Variants in AP1B1 observed in about 807,000 individuals in gnomAD.
AP1B1 encodes AP-1 complex subunit beta-1.
A neutral mutation model predicts 104.3 loss-of-function variants in AP1B1; 36 were observed. The observed-to-expected ratio is 0.35, with a 90% CI of 0.26 to 0.46. AP1B1 has a LOEUF of 0.46. Ranked by LOEUF, AP1B1 falls within the 20% of genes least tolerant of loss-of-function variation. The pLI, the probability that AP1B1 is intolerant of heterozygous loss-of-function variation, is 1.00. For missense variants in AP1B1, 901 were observed against 1,247.9 expected, an observed-to-expected ratio of 0.72 and a Z score of 4.19; for synonymous variants, 504 against 517.5, an observed-to-expected ratio of 0.97 and a Z score of 0.35.
Position 29,331,477 on chromosome 22 carries a change from G to A in AP1B1, c.2496C>T (p.His832=). ...TCTTCCCGTCCTCCACAAAGAGGAT[G>A]TGCAGTGGGTACAAGGTGCTGAAGT... ...VFYFSTLYPL[H]ILFVEDGKMD... is the part of the protein sequence containing the mutation. The change falls in exon 19 of 23, where the codon CAC becomes CAT. Residue 832 remains histidine, a synonymous_variant. Transcript: ENST00000357586. The A allele has an allele frequency of 1.2e-6, 2 of 1,614,220 alleles. No individual in the cohort carries two copies. Among genetic ancestry groups the A allele is most frequent in the South Asian group, 1.1e-5 (1 of 91,086 alleles).
intron 1 of AP1B1, among the ~76,000 whole-genome samples, chr22:29,384,874 A>T (rs2062497191): frequency 1.3e-5 from 2 of 152,188 alleles, no homozygotes; most frequent in Admixed American, 1.3e-4. Context: ...TCTGGAAAAA[A>T]AAAAAGAGCT....
At chr22:29,336,741 T>C (rs565018337) in intron 16 of AP1B1, among the ~76,000 whole-genome samples, 2 of 150,850 alleles carry the variant, frequency 1.3e-5, no homozygotes, top group South Asian at 2.1e-4. Context: ...GAGACACAGG[T>C]TGCAGTGAGC....
intron 1 of AP1B1, among the ~76,000 whole-genome samples, chr22:29,374,364 T>A (rs1245648967): frequency 1.3e-5 from 2 of 152,206 alleles, no homozygotes; most frequent in Non-Finnish European, 2.9e-5. Context: ...TGAGTTTTCC[T>A]GCATGGCCAA....
intron 2 of AP1B1, among the ~76,000 whole-genome samples, chr22:29,366,739 C>G (rs2062143851): frequency 6.6e-6 from 1 of 151,394 alleles, no homozygotes; most frequent in Non-Finnish European, 1.5e-5. Flanking sequence ...GCGGAGGTTG[C>G]AATGAGCCAA....
intron 13 of AP1B1, among the ~76,000 whole-genome samples, 177 bp from the exon 14 acceptor site, chr22:29,341,034 C>G (rs745337394): frequency 6.6e-6 from 1 of 152,258 alleles, no homozygotes; most frequent in Non-Finnish European, 1.5e-5. Context: ...GCAGGTCCAT[C>G]TTTCAGGTCC....
At chr22:29,369,218 A>G (rs904145159) in intron 1 of AP1B1, among the ~76,000 whole-genome samples, 4 of 152,172 alleles carry the variant, frequency 2.6e-5, no homozygotes, top group Non-Finnish European at 5.9e-5. Context: ...AACCAAGCCA[A>G]CACAGCACCT....
chr22:29,334,397 G>A lies in AP1B1; in HGVS notation c.2177C>T (p.Ala726Val). The A allele has an allele frequency of 6.2e-7, 1 of 1,604,008 alleles. No individual in the cohort carries two copies. The highest frequency in any genetic ancestry group is 1.7e-5 in the Admixed American group (1 of 57,566). ...YVAPKAVWLP[A>V]MKAKGLEISG... ...GATCTCCAGCCCCTTAGCCTTCATG[G>A]CTGGGAGCCAGACCTGCAGGGAAGA... Residue 726 changes from alanine (A) to valine (V), a missense_variant, in exon 17 of 23, where the codon GCC becomes GTC. Around this residue, in one of 3 missense-constraint regions of AP1B1, gnomAD observed 424 missense variants for 494.0 expected, o/e 0.86. Coordinates refer to ENST00000357586, the MANE Select transcript of AP1B1 (RefSeq NM_001127.4).
At chr22:29,339,900 C>T (rs2061689189) in intron 14 of AP1B1, 126 bp from the exon 15 acceptor site, 3 of 1,054,974 alleles carry the variant, frequency 2.8e-6, no homozygotes, top group Admixed American at 2.0e-5. Flanking sequence ...TAGCTCCATC[C>T]GAGAGGAGTG....
intron 19 of AP1B1, 28 bp downstream of exon 19, chr22:29,331,421 C>T (rs1189423861): frequency 6.2e-7 from 1 of 1,608,952 alleles, no homozygotes; most frequent in East Asian, 2.2e-5. Context: ...CCATTTCAGG[C>T]ACCCCAGCGG....
chr22:29,356,106 C>A (rs1403225819), intron 6 of AP1B1, among the ~76,000 whole-genome samples: 2 of 152,184 alleles, frequency 1.3e-5, no homozygotes, highest in African/African-American at 4.8e-5. Context: ...CCGGCAGAGC[C>A]CCAGACACCC....
At chr22:29,387,800 G>A (rs576367813) in intron 1 of AP1B1, among the ~76,000 whole-genome samples, 10 of 152,336 alleles carry the variant, frequency 6.6e-5, no homozygotes, top group African/African-American at 2.2e-4. Context: ...TCCCCACAAA[G>A]GTTGCTGTGA....
intron 11 of AP1B1, among the ~76,000 whole-genome samples, chr22:29,346,414 T>C (rs1363579792): frequency 6.6e-6 from 1 of 152,192 alleles, no homozygotes; most frequent in Non-Finnish European, 1.5e-5. Flanking sequence ...GGTTGGGGGA[T>C]GGTTTCAGGA....
At chr22:29,376,862 C>T (rs16987503) in intron 1 of AP1B1, among the ~76,000 whole-genome samples, 1,741 of 151,990 alleles carry the variant, frequency 0.011, 42 homozygotes, top group African/African-American at 0.041. Context: ...GAGATGATGA[C>T]GCTATTCACC....
At chr22:29,369,110 A>C (rs1225544593) in intron 1 of AP1B1, among the ~76,000 whole-genome samples, 1 of 152,048 alleles carries the variant, frequency 6.6e-6, no homozygotes, top group Non-Finnish European at 1.5e-5. Context: ...CAAATAACCC[A>C]CCAATATCTC....
Position 29,351,183 on chromosome 22 carries a change from G to A in AP1B1, c.1143C>T (p.Ala381=). 6.2e-7 allele frequency: 1 copy of A among 1,611,630 alleles called. No individual in the cohort carries two copies. Among genetic ancestry groups the A allele is most frequent in the South Asian group, 1.1e-5 (1 of 90,986 alleles). The change falls in exon 9 of 23, where the codon GCC becomes GCT. Residue 381 remains alanine (A), a synonymous_variant. Coordinates refer to ENST00000357586, the MANE Select transcript of AP1B1 (RefSeq NM_001127.4). ...RKAVRAIGRC[A]IKVEQSAERC... ...CCCAGAGCCTCACCTCCACCTTGAT[G>A]GCGCAGCGGCCAATAGCACGCACAG... is the stretch of plus-strand genomic sequence containing the variant.
intron 1 of AP1B1, among the ~76,000 whole-genome samples, chr22:29,369,052 A>G (rs1196058857): frequency 1.3e-5 from 2 of 152,194 alleles, no homozygotes; most frequent in African/African-American, 4.8e-5. Context: ...AATGGAGAAA[A>G]CCCACTTCAC....
At chr22:29,347,431 G>T (rs1269937213) in intron 11 of AP1B1, among the ~76,000 whole-genome samples, 1 of 152,180 alleles carries the variant, frequency 6.6e-6, no homozygotes, top group Non-Finnish European at 1.5e-5. Context: ...AGAAACTGAG[G>T]CTCAGAGAGT....
In AP1B1 at chr22:29,354,683, G is replaced by C. The variant is rs2147990455; in HGVS notation, c.905C>G (p.Ala302Gly). ...CACGATGAGATTGATGTTGCGCAGGGCCACATACTGCAGCTCTGGCTCGGC... is the reference window on the plus strand; with the variant it reads ...CACGATGAGATTGATGTTGCGCAGGCCCACATACTGCAGCTCTGGCTCGGC... Reference protein sequence around the residue: ...LSAEPELQYVALRNINLIVQK... With the variant: ...LSAEPELQYVGLRNINLIVQK... Residue 302 changes from alanine (A) to glycine (G), a missense_variant, in exon 7 of 23, where the codon GCC (alanine) becomes GGC (glycine). Around this residue, in one of 3 missense-constraint regions of AP1B1, gnomAD observed 471 missense variants for 696.7 expected, o/e 0.68. Coordinates refer to ENST00000357586, the MANE Select transcript of AP1B1 (RefSeq NM_001127.4). The C allele has an allele frequency of 6.2e-7, 1 of 1,614,076 alleles. No homozygotes were observed. Among genetic ancestry groups the C allele is most frequent in the African/African-American group, 1.3e-5 (1 of 75,004 alleles).
chr22:29,349,589 C>CAGAGTGGTGTGCAGAGG (rs1602726565), intron 10 of AP1B1, among the ~76,000 whole-genome samples: 1 of 152,162 alleles, frequency 6.6e-6, no homozygotes, highest in East Asian at 1.9e-4. Context: ...TCTCACCTCA[C>CAGAGTGGTGTGCAGAGG]TGCAACCTCC....
Sources: allele counts gnomAD v4.1 joint callset (sites outside exome capture counted in the v4.1 genomes callset), GRCh38; gene constraint gnomAD v4.1.1; regional missense constraint gnomAD v4.1.1; transcripts MANE v1.5; gene names NCBI Gene and HGNC (gene_info 2026-07-23, HGNC 2026-07-21).